ANKS1B: variants seen among roughly 807,000 people sequenced by gnomAD.
The protein encoded by ANKS1B is ankyrin repeat and sterile alpha motif domain containing 1B, also known as ankyrin repeat and sterile alpha motif domain-containing protein 1B.
Under a neutral mutation model 148.3 loss-of-function variants are expected in ANKS1B, and 36 were observed. The observed-to-expected ratio is 0.24, with a 90% CI of 0.19 to 0.32. The LOEUF (loss-of-function observed/expected upper bound fraction) is 0.32, where lower values mean the gene tolerates loss of function less well. ANKS1B is among the 10% of genes least tolerant of loss of function. The pLI is 1.00. For missense variants in ANKS1B, 1,157 were observed against 1,542.6 expected (o/e 0.75, Z 4.19); for synonymous variants, 542 against 560.8 (o/e 0.97, Z 0.47).
At chr12:99,171,693 T>C (rs549985501) in intron 14 of ANKS1B, among the ~76,000 whole-genome samples, 1 of 152,344 alleles carries the variant, frequency 6.6e-6, no homozygotes, top group South Asian at 2.1e-4. Context: ...TAAAATCTTT[T>C]GGCAGACAAC....
intron 12 of ANKS1B, among the ~76,000 whole-genome samples, chr12:99,271,083 T>A (rs2076988593): frequency 6.6e-6 from 1 of 152,222 alleles, no homozygotes; most frequent in Non-Finnish European, 1.5e-5. Context: ...TCCCTGCCTA[T>A]CTCTCTGGCA....
intron 17 of ANKS1B, among the ~76,000 whole-genome samples, chr12:98,906,976 T>C (rs1596638890): frequency 1.3e-5 from 2 of 151,402 alleles, no homozygotes; most frequent in Non-Finnish European, 2.9e-5. Flanking sequence ...ATCAAGCTAA[T>C]GAACATATCA....
chr12:99,885,031 A>G (rs1603432869), intron 1 of ANKS1B, among the ~76,000 whole-genome samples: 1 of 151,996 alleles, frequency 6.6e-6, no homozygotes. Context: ...GGTTCCCCCA[A>G]TTTTTAAAAT....
chr12:98,759,867 C>T (rs2098360543), intron 25 of ANKS1B, among the ~76,000 whole-genome samples: 1 of 152,104 alleles, frequency 6.6e-6, no homozygotes, highest in Non-Finnish European at 1.5e-5. Context: ...GTAATCCCAG[C>T]TACTCGGGGG....
intron 12 of ANKS1B, among the ~76,000 whole-genome samples, chr12:99,303,575 T>C (rs1277484209): frequency 6.6e-6 from 1 of 152,162 alleles, no homozygotes; most frequent in African/African-American, 2.4e-5. Flanking sequence ...TATTGATAAA[T>C]TGTATAAAGA....
At chr12:99,448,645 A>G (rs2095675918) in intron 10 of ANKS1B, among the ~76,000 whole-genome samples, 1 of 152,176 alleles carries the variant, frequency 6.6e-6, no homozygotes, top group Non-Finnish European at 1.5e-5. Flanking sequence ...TCCACAATGT[A>G]TACATGTTTT....
chr12:99,038,240 T>G (rs952450577), intron 17 of ANKS1B, among the ~76,000 whole-genome samples: 12 of 152,184 alleles, frequency 7.9e-5, no homozygotes, highest in Admixed American at 5.2e-4. Flanking sequence ...CATGTCCAAA[T>G]GGAACTCTTG....
intron 14 of ANKS1B, among the ~76,000 whole-genome samples, chr12:99,233,984 A>T (rs1388741): frequency 6.6e-6 from 1 of 151,468 alleles, no homozygotes; most frequent in African/African-American, 2.4e-5. Flanking sequence ...TAGGCAAGAG[A>T]ATCCAAATGT....
At chr12:98,904,042 A>T (rs1441732952) in intron 17 of ANKS1B, among the ~76,000 whole-genome samples, 1 of 152,072 alleles carries the variant, frequency 6.6e-6, no homozygotes, top group Non-Finnish European at 1.5e-5. Context: ...TAATTCTCAA[A>T]TTAAAAATTT....
chr12:99,240,699 C>G (rs866916615), intron 14 of ANKS1B, among the ~76,000 whole-genome samples: 1 of 152,318 alleles, frequency 6.6e-6, no homozygotes, highest in Admixed American at 6.5e-5. Flanking sequence ...CAAACCGTCT[C>G]TAAAACCACA....
At chr12:99,661,964 T>C (rs929886579) in intron 8 of ANKS1B, among the ~76,000 whole-genome samples, 1 of 152,106 alleles carries the variant, frequency 6.6e-6, no homozygotes, top group Non-Finnish European at 1.5e-5. Context: ...TCCTGGGCCA[T>C]GAAGTATCCT....
At chr12:99,449,163 T>C (rs2095685820) in intron 10 of ANKS1B, among the ~76,000 whole-genome samples, 1 of 152,146 alleles carries the variant, frequency 6.6e-6, no homozygotes, top group South Asian at 2.1e-4. Context: ...CTAAAAACAT[T>C]TTCAAGCTTA....
chr12:98,840,029 TACA>T (rs773438895), intron 17 of ANKS1B, among the ~76,000 whole-genome samples: 51 of 152,292 alleles, frequency 3.3e-4, no homozygotes, highest in Non-Finnish European at 6.3e-4. Flanking sequence ...AGCTCACGAA[TACA>T]ACTCAAAGGT....
chr12:98,865,988 T>C (rs1207350396), intron 17 of ANKS1B, among the ~76,000 whole-genome samples: 2 of 152,132 alleles, frequency 1.3e-5, no homozygotes, highest in African/African-American at 4.8e-5. Context: ...TAACCTCACG[T>C]GCAAGTGTTA....
intron 17 of ANKS1B, among the ~76,000 whole-genome samples, chr12:98,908,221 C>G (rs2099782072): frequency 6.6e-6 from 1 of 152,148 alleles, no homozygotes; most frequent in African/African-American, 2.4e-5. Context: ...GGCCAGGCCT[C>G]ACAGTTTCAT....
chr12:99,979,100 C>T (rs754240214), intron 1 of ANKS1B, among the ~76,000 whole-genome samples: 4 of 151,500 alleles, frequency 2.6e-5, no homozygotes, highest in Non-Finnish European at 4.4e-5. Context: ...TTGCAGCTGT[C>T]TCATAAAAGA....
intron 12 of ANKS1B, among the ~76,000 whole-genome samples, chr12:99,315,653 T>C (rs1186647595): frequency 1.3e-5 from 2 of 152,186 alleles, no homozygotes; most frequent in Non-Finnish European, 2.9e-5. Context: ...CAGAAAGTCA[T>C]GCAAGCACAA....
intron 17 of ANKS1B, among the ~76,000 whole-genome samples, chr12:98,962,163 T>G (rs2099872544): frequency 1.3e-5 from 2 of 150,252 alleles, no homozygotes; most frequent in Non-Finnish European, 1.5e-5. Flanking sequence ...AAAACAAGAT[T>G]CAACAATCTG....
intron 9 of ANKS1B, among the ~76,000 whole-genome samples, chr12:99,599,833 T>A (rs972146479): frequency 2.0e-5 from 3 of 152,056 alleles, no homozygotes; most frequent in African/African-American, 7.2e-5. Flanking sequence ...TAAATTGATA[T>A]GAAAGTCTGG....
Sources: allele counts gnomAD v4.1 joint callset (sites outside exome capture counted in the v4.1 genomes callset), GRCh38; gene constraint gnomAD v4.1.1; transcripts MANE v1.5; gene names NCBI Gene and HGNC (gene_info 2026-07-23, HGNC 2026-07-21).